Variants in CLCA2 observed in about 807,000 individuals in gnomAD.
CLCA2 encodes calcium-activated chloride channel regulator 2.
In CLCA2, 85 loss-of-function variants were observed where a neutral mutation model predicts 82.9. The observed-to-expected ratio is 1.03, with a 90% CI of 0.86 to 1.23. The LOEUF is 1.23. Among genes scored for constraint, CLCA2 ranks in the 50% most tolerant of loss-of-function variants. The probability of loss-of-function intolerance (pLI) is 0.00; values close to 1 mark genes in which losing one functional copy is unlikely to be tolerated. For synonymous variants in CLCA2, 421 were observed against 391.7 expected (o/e 1.07, Z -0.88); for missense variants, 1,089 against 1,124.8 (o/e 0.97, Z 0.45).
intron 6 of CLCA2, 66 bp from the exon 7 acceptor site, chr1:86,438,810 T>C: frequency 7.7e-7 from 1 of 1,302,044 alleles, no homozygotes; most frequent in Admixed American, 1.7e-5. Context: ...CTAATTGAGT[T>C]ACTTCATCAT....
chr1:86,446,216 C>CTT (rs3086658), intron 10 of CLCA2, among the ~76,000 whole-genome samples: 2,708 of 108,418 alleles, frequency 0.025, 63 homozygotes, highest in Middle Eastern at 0.046. Flanking sequence ...GCTGTGGGAA[C>CTT]TTTTTTTTTT....
rs142787360 is a variant in CLCA2 at position 86,446,180 on chromosome 1, T to A, written c.1714-1328T>A. 3.9e-4 allele frequency among the ~76,000 whole-genome samples: 59 copies of A among 151,732 alleles called. 1 individual carries two copies. The South Asian group carries it at 6.1e-3, about 16-fold the overall frequency. On this transcript the variant is annotated intron_variant, in intron 10 of 13. Coordinates refer to ENST00000370565, the MANE Select transcript of CLCA2 (RefSeq NM_006536.7). ...CCACCAACTCTGTTTTCTGCATAGT[T>A]GTCTTCTCTGCTTCTGTAGTGGTGA...
chr1:86,452,176 C>CTTTTTTTTTTTTTTTT (rs753484167), intron 12 of CLCA2, among the ~76,000 whole-genome samples: 1 of 43,946 alleles, frequency 2.3e-5, no homozygotes, highest in Non-Finnish European at 4.0e-5. Context: ...AACCTGGAAG[C>CTTTTTTTTTTTTTTTT]TTTTTTTTTT....
chr1:86,453,762 T>G (rs1354559696), intron 13 of CLCA2, among the ~76,000 whole-genome samples, 160 bp downstream of exon 13: 1 of 152,172 alleles, frequency 6.6e-6, no homozygotes, highest in Non-Finnish European at 1.5e-5. Flanking sequence ...GACAGTGTGT[T>G]GCCTACCCCT....
chr1:86,455,010 CATT>C, intron 13 of CLCA2, 72 bp from the exon 14 acceptor site: 2 of 853,392 alleles, frequency 2.3e-6, no homozygotes, highest in Non-Finnish European at 3.5e-6. Context: ...TTGCTGTTCT[CATT>C]AGTAATTTCT....
chr1:86,441,541 C>T lies in CLCA2; in HGVS notation c.1486C>T (p.Gln496Ter). Reference sequence around the variant, plus strand: ...TGGAGACATTTTCCAGCAACATATTCAGGTCAGAATTTTCTCAATGTTATA... The same window carrying T: ...TGGAGACATTTTCCAGCAACATATTTAGGTCAGAATTTTCTCAATGTTATA... Reference protein sequence around the residue: ...GTGDIFQQHIQLESTGENVKP... With the variant: ...GTGDIFQQHI The change falls in exon 9 of 14, where the codon CAG becomes TAG. Residue 496 changes from glutamine to a stop codon, truncating the protein, a stop_gained and splice_region_variant. Coordinates refer to ENST00000370565, the MANE Select transcript of CLCA2 (RefSeq NM_006536.7). LOFTEE classifies it high-confidence loss of function. 1 of 1,599,540 alleles carries T rather than the reference C, an allele frequency of 6.3e-7. No individual in the cohort carries two copies. Among genetic ancestry groups the T allele is most frequent in the Non-Finnish European group, 8.6e-7 (1 of 1,167,706 alleles).
At position 86,438,894 on chromosome 1, in the gene CLCA2, C is replaced by T. The variant is rs751501941; in HGVS notation, c.991C>T (p.Leu331=). The change falls in exon 7 of 14, where the codon CTA becomes TTA. Residue 331 remains leucine (L), a synonymous_variant. Coordinates refer to ENST00000370565, the MANE Select transcript of CLCA2 (RefSeq NM_006536.7). Reference sequence around the variant, plus strand: ...GACATAGGCTGACAGACTCCTTCAACTACAACAAGCCGCAGAATTTTATTT... The same window carrying T: ...GACATAGGCTGACAGACTCCTTCAATTACAACAAGCCGCAGAATTTTATTT... ...KMAEADRLLQ[L]QQAAEFYLMQ... The T allele has an allele frequency of 5.6e-6, 9 of 1,614,062 alleles. No homozygotes were observed. The highest frequency in any genetic ancestry group is 5.9e-6 in the Non-Finnish European group (7 of 1,179,972).
intron 3 of CLCA2, among the ~76,000 whole-genome samples, chr1:86,429,648 T>C (rs1018193370): frequency 2.0e-5 from 3 of 152,178 alleles, no homozygotes; most frequent in Non-Finnish European, 2.9e-5. Flanking sequence ...GTAAGCACAG[T>C]TCGCCAGTCA....
intron 9 of CLCA2, 40 bp downstream of exon 9, chr1:86,441,583 G>A: frequency 2.2e-6 from 3 of 1,351,430 alleles, no homozygotes; most frequent in Non-Finnish European, 3.2e-6. Flanking sequence ...GGTGGGGAGT[G>A]GGAAGGGAGA....
At chr1:86,427,575 A>ACACAC (rs1558100286) in intron 2 of CLCA2, among the ~76,000 whole-genome samples, 8 of 127,470 alleles carry the variant, frequency 6.3e-5, no homozygotes, top group South Asian at 2.5e-4. Flanking sequence ...CACACACACA[A>ACACAC]AACACATATA....
At chr1:86,427,971 T>C (rs1242985452) in intron 2 of CLCA2, among the ~76,000 whole-genome samples, 1 of 152,178 alleles carries the variant, frequency 6.6e-6, no homozygotes, top group Non-Finnish European at 1.5e-5. Flanking sequence ...AGAAAGTTGT[T>C]CACAAAAGGC....
intron 11 of CLCA2, chr1:86,448,337 T>C (rs1662896882): frequency 6.5e-6 from 1 of 152,780 alleles, no homozygotes; most frequent in African/African-American, 2.4e-5. Context: ...GCCTTTTACG[T>C]GTGTAATTTG....
rs1558111292 is a variant in CLCA2, at chr1:86,440,400, T to A, written c.1381+75T>A. The A allele has an allele frequency of 3.3e-6, 4 of 1,230,718 alleles. No individual in the cohort carries two copies. In the African/African-American group the frequency reaches 4.6e-5, roughly 14 times the overall value. The allele number at this position is 1,230,718 out of a possible 1,614,324, so 76.2% of individuals were successfully genotyped here. On this transcript the variant is annotated intron_variant, in intron 8 of 13. Transcript: ENST00000370565. ...ACTATCCAAGACACAACTATGAAAC[T>A]CATTATATGGCTTAATTGAAAATAC...
At chr1:86,436,996 G>A (rs1315630683) in intron 6 of CLCA2, among the ~76,000 whole-genome samples, 5 of 152,332 alleles carry the variant, frequency 3.3e-5, no homozygotes, top group East Asian at 3.9e-4. Context: ...TTACAGGCAT[G>A]AGCCAACATT....
At chr1:86,437,280 C>T (rs112399064) in intron 6 of CLCA2, among the ~76,000 whole-genome samples, 1,858 of 152,218 alleles carry the variant, frequency 0.012, 41 homozygotes, top group African/African-American at 0.042. Flanking sequence ...ATGAGAAGAA[C>T]AGCATCTCTG....
rs1663051219 is a variant in CLCA2, at chr1:86,455,233, T to C, written c.2538T>C (p.Asn846=). 6.2e-7 allele frequency: 1 copy of C among 1,614,008 alleles called. No homozygotes were observed. Among genetic ancestry groups the C allele is most frequent in the African/African-American group, 1.3e-5 (1 of 74,928 alleles). Residue 846 remains asparagine (N), a synonymous_variant, in exon 14 of 14, where the codon AAT becomes AAC. Transcript: ENST00000370565. ...IFTFSPQIST[N]GPEHQPNGET... ...CGTTCTCACCCCAAATTTCCACGAA[T>C]GGACCTGAACATCAGCCAAATGGAG...
intron 2 of CLCA2, 88 bp downstream of exon 2, chr1:86,425,564 A>G (rs1662372440): frequency 5.3e-6 from 6 of 1,140,672 alleles, no homozygotes; most frequent in Non-Finnish European, 7.1e-6. Context: ...TGAGAAGTTA[A>G]GTAAAAACAA....
intron 2 of CLCA2, among the ~76,000 whole-genome samples, chr1:86,427,167 T>C (rs959277625): frequency 6.6e-6 from 1 of 152,108 alleles, no homozygotes; most frequent in Non-Finnish European, 1.5e-5. Flanking sequence ...GGGAAAGGGT[T>C]AGGAAAAGTA....
intron 10 of CLCA2, 43 bp from the exon 11 acceptor site, chr1:86,447,464 AT>A (rs199504629): frequency 2.9e-5 from 46 of 1,561,428 alleles, no homozygotes; most frequent in Admixed American, 2.2e-4. Flanking sequence ...ATTAGGGTTG[AT>A]TTTTTTTTCA....
Sources: gnomAD v4.1 joint callset for allele counts (sites outside exome capture counted in the v4.1 genomes callset) on GRCh38, gnomAD v4.1.1 for gene constraint, MANE v1.5 for transcripts, NCBI Gene and HGNC (gene_info 2026-07-23, HGNC 2026-07-21) for gene names.